ANTXR2: variants seen among roughly 807,000 people sequenced by gnomAD.
ANTXR2 encodes anthrax toxin receptor 2.
A neutral mutation model predicts 73.7 loss-of-function variants in ANTXR2; 44 were observed. The observed-to-expected ratio is 0.60, with a 90% CI of 0.47 to 0.77. The LOEUF is 0.77. Among genes scored for constraint, ANTXR2 ranks in the 30% least tolerant of loss-of-function variants. The probability of loss-of-function intolerance (pLI) is 0.00; values close to 1 mark genes in which losing one functional copy is unlikely to be tolerated. For missense variants in ANTXR2, 604 were observed against 592.5 expected (o/e 1.02, Z -0.20); for synonymous variants, 217 against 205.9 (o/e 1.05, Z -0.46).
At chr4:79,910,036 GC>G (rs1160687865) in intron 16 of ANTXR2, among the ~76,000 whole-genome samples, 1 of 152,158 alleles carries the variant, frequency 6.6e-6, no homozygotes, top group Non-Finnish European at 1.5e-5. Context: ...TCTAGCCTCT[GC>G]CACTTCTTAA....
intron 16 of ANTXR2, among the ~76,000 whole-genome samples, chr4:79,965,826 T>A (rs1455407873): frequency 2.0e-5 from 3 of 152,204 alleles, no homozygotes; most frequent in African/African-American, 7.2e-5. Context: ...ATTTACAAAT[T>A]TCCTAATATT....
chr4:80,029,275 A>C (rs1732578262), intron 10 of ANTXR2, among the ~76,000 whole-genome samples: 1 of 152,140 alleles, frequency 6.6e-6, no homozygotes, highest in African/African-American at 2.4e-5. Context: ...GCATTTTATA[A>C]CTACTTCAGA....
At chr4:80,004,224 A>G (rs995593716) in intron 12 of ANTXR2, among the ~76,000 whole-genome samples, 4 of 151,884 alleles carry the variant, frequency 2.6e-5, no homozygotes, top group Admixed American at 1.3e-4. Context: ...ATGAAAAAAA[A>G]TAAAATAAAA....
intron 3 of ANTXR2, among the ~76,000 whole-genome samples, chr4:80,064,253 G>A (rs1734393208): frequency 6.6e-6 from 1 of 152,150 alleles, no homozygotes; most frequent in Admixed American, 6.5e-5. Flanking sequence ...GGGGGCAAGT[G>A]TAATGAAAGG....
In ANTXR2 at chr4:80,072,275, A is replaced by G. The variant is rs925118600; in HGVS notation, c.152+134T>C. On this transcript the variant is annotated intron_variant, in intron 1 of 16. Transcript: ENST00000403729. ...TCCGAACGCGCTTGCCCTTTGAAAG[A>G]AGACAGCAACAGGGCACCCCTCCGC... 1.1e-5 allele frequency: 11 copies of G among 1,024,840 alleles called. No homozygotes were observed. The Admixed American group carries it at 2.9e-4, about 27-fold the overall frequency. The allele number at this position is 1,024,840 out of a possible 1,614,324, so 63.5% of individuals were successfully genotyped here.
chr4:80,012,710 A>C (rs2110061745), intron 11 of ANTXR2, among the ~76,000 whole-genome samples: 1 of 152,322 alleles, frequency 6.6e-6, no homozygotes, highest in East Asian at 1.9e-4. Context: ...AAACTGGGCA[A>C]GTAACAACCT....
intron 16 of ANTXR2, among the ~76,000 whole-genome samples, chr4:79,916,828 T>A (rs1237906792): frequency 1.3e-5 from 2 of 152,270 alleles, no homozygotes; most frequent in South Asian, 4.1e-4. Context: ...CACTATAGCA[T>A]CTTTTATATT....
intron 7 of ANTXR2, among the ~76,000 whole-genome samples, chr4:80,049,223 A>G (rs1435634192): frequency 6.6e-6 from 1 of 151,726 alleles, no homozygotes; most frequent in Non-Finnish European, 1.5e-5. Context: ...TATTCTTTCC[A>G]TATTATTCAC....
intron 16 of ANTXR2, among the ~76,000 whole-genome samples, chr4:79,961,571 A>C (rs1411862764): frequency 6.6e-6 from 1 of 152,036 alleles, no homozygotes; most frequent in Non-Finnish European, 1.5e-5. Flanking sequence ...GGTAGCTGGT[A>C]CTACAGGCAT....
In ANTXR2 at chr4:80,000,153, CT is replaced by C. The variant is rs1487537894; in HGVS notation, c.1041+8367del. Among the ~76,000 whole-genome samples the C allele has an allele frequency of 3.9e-5, 6 of 152,086 alleles. No individual in the cohort carries two copies. The East Asian group carries it at 1.2e-3, about 29-fold the overall frequency. ...TAGCAGCAACTAGACAAAAGTTGAA[CT>C]GCTTCTACTTCAGAGTTTCATTATA... On this transcript the variant is annotated intron_variant, in intron 12 of 16. Coordinates refer to ENST00000403729, the MANE Select transcript of ANTXR2 (RefSeq NM_058172.6).
At chr4:79,908,005 T>C (rs1383054098) in intron 16 of ANTXR2, among the ~76,000 whole-genome samples, 1 of 152,180 alleles carries the variant, frequency 6.6e-6, no homozygotes, top group Non-Finnish European at 1.5e-5. Flanking sequence ...ACCACCATGA[T>C]GTGTTCATTT....
intron 16 of ANTXR2, among the ~76,000 whole-genome samples, chr4:79,932,736 G>T (rs59013317): frequency 0.11 from 15,230 of 133,086 alleles, 2,574 homozygotes; most frequent in African/African-American, 0.38. Context: ...AGGTTGCAGT[G>T]AACTGAGATC....
intron 16 of ANTXR2, among the ~76,000 whole-genome samples, chr4:79,949,016 C>T (rs959220133): frequency 7.9e-5 from 12 of 152,082 alleles, no homozygotes; most frequent in African/African-American, 2.9e-4. Flanking sequence ...GACTCTAAAT[C>T]CAGTGACCAT....
chr4:79,927,611 G>A lies in ANTXR2; in HGVS notation c.1429-20144C>T, dbSNP rs143702070. Among the ~76,000 whole-genome samples the A allele has an allele frequency of 2.2e-4, 33 of 152,036 alleles. 1 individual carries two copies. Among genetic ancestry groups the A allele is most frequent in the African/African-American group, 5.8e-4 (24 of 41,464 alleles). ...TTTAGAAATTTGTATTATTTTTATC[G>A]TTATAGTATTATTTGGTTGATTGAA... On this transcript the variant is annotated intron_variant, in intron 16 of 16. Coordinates refer to ENST00000403729, the MANE Select transcript of ANTXR2 (RefSeq NM_058172.6).
At chr4:80,067,259 C>CT (rs1302526949) in intron 3 of ANTXR2, among the ~76,000 whole-genome samples, 2 of 151,802 alleles carry the variant, frequency 1.3e-5, no homozygotes, top group Admixed American at 6.6e-5. Context: ...ATCTCAGTGT[C>CT]TCCCCTATTA....
intron 7 of ANTXR2, among the ~76,000 whole-genome samples, chr4:80,046,146 T>C (rs1733504443): frequency 6.6e-6 from 1 of 151,782 alleles, no homozygotes; most frequent in Non-Finnish European, 1.5e-5. Context: ...TCTTCTGAGC[T>C]CCAAACAAAA....
At chr4:80,003,181 A>G (rs111605132) in intron 12 of ANTXR2, among the ~76,000 whole-genome samples, 2,654 of 152,228 alleles carry the variant, frequency 0.017, 39 homozygotes, top group Non-Finnish European at 0.022. Flanking sequence ...TGAATGATAG[A>G]TTGGATTAAG....
intron 8 of ANTXR2, among the ~76,000 whole-genome samples, chr4:80,034,247 C>T (rs1295917466): frequency 1.3e-5 from 2 of 152,072 alleles, no homozygotes; most frequent in Non-Finnish European, 2.9e-5. Context: ...AGAGAATAGG[C>T]TGGAATGAAA....
In ANTXR2 at chr4:79,907,286, C is replaced by G; in HGVS notation, c.*143G>C. ...TGTTTGGTGCAAGCAAAGCAGAAGG[C>G]AGAGAAAACATTTCCCGACTGAGAG... On this transcript the variant is annotated 3_prime_UTR_variant, in exon 17 of 17. Coordinates refer to ENST00000403729, the MANE Select transcript of ANTXR2 (RefSeq NM_058172.6). 1 of 865,082 alleles carries G rather than the reference C, an allele frequency of 1.2e-6. No individual in the cohort carries two copies. The highest frequency in any genetic ancestry group is 1.9e-6 in the Non-Finnish European group (1 of 537,468). 53.6% of individuals were successfully genotyped at this position (865,082 alleles called of 1,614,324 possible).
Sources: allele counts gnomAD v4.1 joint callset (sites outside exome capture counted in the v4.1 genomes callset), GRCh38; gene constraint gnomAD v4.1.1; transcripts MANE v1.5; gene names NCBI Gene and HGNC (gene_info 2026-07-23, HGNC 2026-07-21).